Variants in CSMD1 observed in about 807,000 individuals in gnomAD.
The protein encoded by CSMD1 is CUB and Sushi multiple domains 1.
Under a neutral mutation model 417.5 loss-of-function variants are expected in CSMD1, and 213 were observed. The observed-to-expected ratio is 0.51, with a 90% CI of 0.46 to 0.57. CSMD1 has a LOEUF of 0.57. CSMD1 is among the 20% of genes least tolerant of loss of function. The pLI, the probability that CSMD1 is intolerant of heterozygous loss-of-function variation, is 0.00. For synonymous variants in CSMD1, 2,862 were observed against 1,736.8 expected (o/e 1.65, Z -16.11); for missense variants, 6,923 against 4,529.7 (o/e 1.53, Z -15.17).
chr8:3,622,516 G>A (rs1796303862), intron 7 of CSMD1, among the ~76,000 whole-genome samples: 1 of 152,158 alleles, frequency 6.6e-6, no homozygotes, highest in East Asian at 1.9e-4. Context: ...CCCAAGTTGG[G>A]CAAAAACACT....
At chr8:4,561,864 C>A (rs1372949318) in intron 2 of CSMD1, among the ~76,000 whole-genome samples, 2 of 152,160 alleles carry the variant, frequency 1.3e-5, no homozygotes, top group African/African-American at 4.8e-5. Flanking sequence ...GTGACTTGTT[C>A]AAAGCCACAC....
chr8:4,108,793 G>T (rs1344779709), intron 3 of CSMD1, among the ~76,000 whole-genome samples: 3 of 152,174 alleles, frequency 2.0e-5, no homozygotes, highest in Non-Finnish European at 4.4e-5. Flanking sequence ...TGATTCTAAA[G>T]CACAAGCTCC....
At chr8:4,231,777 C>T (rs1274509682) in intron 3 of CSMD1, among the ~76,000 whole-genome samples, 2 of 152,184 alleles carry the variant, frequency 1.3e-5, no homozygotes, top group African/African-American at 4.8e-5. Context: ...GCCACAGCCT[C>T]AGTCCCCATA....
chr8:3,397,375 T>C (rs1268749853), intron 16 of CSMD1, among the ~76,000 whole-genome samples: 1 of 152,284 alleles, frequency 6.6e-6, no homozygotes, highest in East Asian at 1.9e-4. Flanking sequence ...GAAAACGATG[T>C]TGAAACCAAA....
chr8:4,090,372 G>C (rs896927524), intron 3 of CSMD1, among the ~76,000 whole-genome samples: 2 of 152,076 alleles, frequency 1.3e-5, no homozygotes, highest in African/African-American at 4.8e-5. Context: ...AAATTACAAA[G>C]TGTCAGATTT....
chr8:3,884,533 G>C (rs900022965), intron 5 of CSMD1, among the ~76,000 whole-genome samples: 1 of 152,160 alleles, frequency 6.6e-6, no homozygotes, highest in Admixed American at 6.6e-5. Context: ...CAACACTGCA[G>C]TCACTCAGGA....
intron 3 of CSMD1, among the ~76,000 whole-genome samples, chr8:4,270,022 C>T (rs192924733): frequency 1.8e-4 from 27 of 152,262 alleles, no homozygotes; most frequent in African/African-American, 6.3e-4. Flanking sequence ...TTCAACTCTG[C>T]AGTGTATTGT....
At chr8:3,600,961 G>A (rs947747951) in intron 8 of CSMD1, among the ~76,000 whole-genome samples, 1 of 152,188 alleles carries the variant, frequency 6.6e-6, no homozygotes, top group East Asian at 1.9e-4. Context: ...GCAATGTCAA[G>A]AAATGTAAAG....
At chr8:4,049,582 GC>G (rs1798316940) in intron 3 of CSMD1, among the ~76,000 whole-genome samples, 1 of 151,920 alleles carries the variant, frequency 6.6e-6, no homozygotes, top group Admixed American at 6.6e-5. Context: ...ACTACTACCT[GC>G]TCTGTCTTTT....
intron 2 of CSMD1, among the ~76,000 whole-genome samples, chr8:4,581,252 C>T (rs1299428153): frequency 6.6e-6 from 1 of 152,088 alleles, no homozygotes; most frequent in South Asian, 2.1e-4. Context: ...AATAATTGGG[C>T]ATTTCAAAAT....
chr8:4,220,930 T>A (rs1800991987), intron 3 of CSMD1, among the ~76,000 whole-genome samples: 1 of 152,180 alleles, frequency 6.6e-6, no homozygotes, highest in Admixed American at 6.5e-5. Flanking sequence ...AACATGTGTG[T>A]GCACAGTTCA....
chr8:3,574,209 T>C (rs1203688756), intron 10 of CSMD1, among the ~76,000 whole-genome samples: 2 of 152,226 alleles, frequency 1.3e-5, no homozygotes, highest in Non-Finnish European at 2.9e-5. Flanking sequence ...AAGAAACACA[T>C]GAACTGTAGA....
At chr8:3,142,001 G>C (rs1048334458) in intron 41 of CSMD1, among the ~76,000 whole-genome samples, 1 of 152,162 alleles carries the variant, frequency 6.6e-6, no homozygotes, top group African/African-American at 2.4e-5. Context: ...GTTTCACCGT[G>C]TTAGCCAGGA....
chr8:4,723,602 T>C (rs1304694603), intron 1 of CSMD1, among the ~76,000 whole-genome samples: 1 of 151,984 alleles, frequency 6.6e-6, no homozygotes, highest in Non-Finnish European at 1.5e-5. Flanking sequence ...AAGAGGACAT[T>C]TAAAAAGCAA....
chr8:3,100,714 C>T (rs1191316970), intron 46 of CSMD1, among the ~76,000 whole-genome samples: 1 of 152,178 alleles, frequency 6.6e-6, no homozygotes, highest in Non-Finnish European at 1.5e-5. Flanking sequence ...AGGCTTAAAA[C>T]CCAAAGCATC....
intron 5 of CSMD1, among the ~76,000 whole-genome samples, chr8:3,939,619 G>T (rs28493116): frequency 6.6e-6 from 1 of 152,102 alleles, no homozygotes; most frequent in South Asian, 2.1e-4. Context: ...AGCAATGAAA[G>T]TGATCATCAG....
intron 10 of CSMD1, among the ~76,000 whole-genome samples, chr8:3,558,951 G>A (rs1055465887): frequency 3.3e-5 from 5 of 152,182 alleles, no homozygotes; most frequent in African/African-American, 9.7e-5. Flanking sequence ...GAGTAGCCCA[G>A]TATGACGGCA....
intron 2 of CSMD1, among the ~76,000 whole-genome samples, chr8:4,420,940 C>T (rs921829956): frequency 4.6e-5 from 7 of 152,300 alleles, no homozygotes; most frequent in Non-Finnish European, 8.8e-5. Context: ...TATCACCTTT[C>T]TTATCTGGTA....
chr8:3,655,617 T>G (rs1006116311), intron 7 of CSMD1, among the ~76,000 whole-genome samples: 2 of 150,948 alleles, frequency 1.3e-5, no homozygotes, highest in Admixed American at 1.3e-4. Context: ...CAGGCAGGGC[T>G]GCAAGCCAGC....
Sources: allele counts gnomAD v4.1 joint callset (sites outside exome capture counted in the v4.1 genomes callset), GRCh38; gene constraint gnomAD v4.1.1; transcripts MANE v1.5; gene names NCBI Gene and HGNC (gene_info 2026-07-23, HGNC 2026-07-21).